ZPLD1: variants seen among roughly 807,000 people sequenced by gnomAD.
ZPLD1 encodes zona pellucida-like domain-containing protein 1.
A neutral mutation model predicts 47.2 loss-of-function variants in ZPLD1; 34 were observed. The ratio of observed to expected loss-of-function variants is 0.72; its 90% CI spans 0.55 to 0.96. The LOEUF (loss-of-function observed/expected upper bound fraction) is 0.96, where lower values mean the gene tolerates loss of function less well. ZPLD1 is among the 40% of genes least tolerant of loss of function. ZPLD1 has a pLI of 0.00. For missense variants in ZPLD1, 512 were observed against 505.8 expected, an observed-to-expected ratio of 1.01 and a Z score of -0.12; for synonymous variants, 176 against 186.2, an observed-to-expected ratio of 0.95 and a Z score of 0.45.
intron 6 of ZPLD1, among the ~76,000 whole-genome samples, chr3:102,458,344 A>G (rs1707451485): frequency 1.3e-5 from 2 of 152,208 alleles, no homozygotes; most frequent in Admixed American, 6.5e-5. Context: ...GATTGACTAC[A>G]TAGCATTATC....
Position 102,438,625 on chromosome 3 carries a change from T to A in ZPLD1, c.106+32T>A, listed in dbSNP as rs1707127840. On this transcript the variant is annotated intron_variant, in intron 3 of 11. Coordinates refer to ENST00000466937, the MANE Select transcript of ZPLD1 (RefSeq NM_001329788.2). ...GTAAGCCTAATCTATTCTCTAGTTG[T>A]TTCTGGAAGAGTGATTATATTTGAA... 2.6e-6 allele frequency: 4 copies of A among 1,520,262 alleles called. No individual in the cohort carries two copies. In the East Asian group the frequency reaches 9.0e-5, roughly 34 times the overall value. The allele number at this position is 1,520,262 out of a possible 1,614,324, so 94.2% of individuals were successfully genotyped here. A position where few individuals can be genotyped will look rare whatever the true frequency, so the allele number is the denominator to read the frequency against.
intron 3 of ZPLD1, among the ~76,000 whole-genome samples, chr3:102,447,908 C>T (rs1707282260): frequency 6.6e-6 from 1 of 152,060 alleles, no homozygotes; most frequent in Non-Finnish European, 1.5e-5. Flanking sequence ...ATATATAGAA[C>T]TGGATCCATA....
intron 7 of ZPLD1, among the ~76,000 whole-genome samples, chr3:102,402,852 C>T (rs564156995): frequency 1.4e-4 from 22 of 151,934 alleles, no homozygotes; most frequent in African/African-American, 1.4e-4. Context: ...GTCCTTATAT[C>T]GATAAAAGCT....
chr3:102,408,076 T>G (rs1289437664), intron 7 of ZPLD1, among the ~76,000 whole-genome samples: 1 of 151,852 alleles, frequency 6.6e-6, no homozygotes, highest in African/African-American at 2.4e-5. Context: ...ATCTTATTCT[T>G]TATGTAATAG....
At chr3:102,457,730 CT>C in intron 5 of ZPLD1, 50 bp from the exon 6 acceptor site, 1 of 1,555,114 alleles carries the variant, frequency 6.4e-7, no homozygotes, top group Non-Finnish European at 8.9e-7. Context: ...CTAGGTATCA[CT>C]TTTACTCTAA....
chr3:102,436,186 A>G (rs1020352365), intron 1 of ZPLD1, among the ~76,000 whole-genome samples: 1 of 152,204 alleles, frequency 6.6e-6, no homozygotes, highest in African/African-American at 2.4e-5. Context: ...TAAAGCTTTA[A>G]GGCTAAGAGT....
chr3:102,456,591 A>G (rs1017120874), intron 5 of ZPLD1, among the ~76,000 whole-genome samples: 1 of 145,118 alleles, frequency 6.9e-6, no homozygotes, highest in South Asian at 2.2e-4. Flanking sequence ...CTATCTATCT[A>G]TCTCTAATTG....
intron 8 of ZPLD1, among the ~76,000 whole-genome samples, chr3:102,422,361 T>C (rs1445691582): frequency 1.3e-5 from 2 of 152,020 alleles, no homozygotes; most frequent in African/African-American, 2.4e-5. Flanking sequence ...TCCTGGTATA[T>C]AGTGGATAGA....
chr3:102,462,123 G>T (rs1363612513), intron 6 of ZPLD1, among the ~76,000 whole-genome samples, 158 bp from the exon 7 acceptor site: 1 of 152,052 alleles, frequency 6.6e-6, no homozygotes, highest in Non-Finnish European at 1.5e-5. Context: ...TAACAGTTCT[G>T]CCAAGAAACC....
chr3:102,420,385 A>G (rs1240800348), intron 8 of ZPLD1, among the ~76,000 whole-genome samples: 2 of 151,948 alleles, frequency 1.3e-5, no homozygotes, highest in Non-Finnish European at 2.9e-5. Flanking sequence ...CTAATTGTTT[A>G]TAGCAGGGTG....
intron 8 of ZPLD1, among the ~76,000 whole-genome samples, chr3:102,420,027 C>T (rs1706858181): frequency 6.6e-6 from 1 of 151,594 alleles, no homozygotes; most frequent in African/African-American, 2.4e-5. Flanking sequence ...GACACAACAG[C>T]TTTACCAAGA....
At chr3:102,458,886 G>A (rs762750606) in intron 6 of ZPLD1, among the ~76,000 whole-genome samples, 12 of 151,884 alleles carry the variant, frequency 7.9e-5, no homozygotes, top group Non-Finnish European at 1.3e-4. Flanking sequence ...TCAGGAGATC[G>A]AGACCATCCT....
chr3:102,411,518 G>A (rs1706747379), intron 7 of ZPLD1, among the ~76,000 whole-genome samples: 1 of 151,706 alleles, frequency 6.6e-6, no homozygotes, highest in Admixed American at 6.6e-5. Context: ...TTCTTACAGA[G>A]GTAACTCTTA....
chr3:102,407,909 A>C (rs1483189130), intron 7 of ZPLD1, among the ~76,000 whole-genome samples: 4 of 151,754 alleles, frequency 2.6e-5, no homozygotes, highest in Non-Finnish European at 5.9e-5. Context: ...CTCAGGTGCC[A>C]CTCTAAATAT....
At chr3:102,447,330 C>T (rs557397140) in intron 3 of ZPLD1, among the ~76,000 whole-genome samples, 37 of 152,174 alleles carry the variant, frequency 2.4e-4, no homozygotes, top group Non-Finnish European at 4.6e-4. Flanking sequence ...TTCCTAAGTG[C>T]TGGGATTACA....
At chr3:102,448,978 G>T (rs1457054677) in intron 3 of ZPLD1, among the ~76,000 whole-genome samples, 2 of 152,200 alleles carry the variant, frequency 1.3e-5, no homozygotes, top group Non-Finnish European at 2.9e-5. Context: ...CTGAGGATTT[G>T]ATTTGACATC....
chr3:102,477,227 T>C (rs1400262194), intron 11 of ZPLD1, among the ~76,000 whole-genome samples, 186 bp downstream of exon 11: 2 of 152,148 alleles, frequency 1.3e-5, no homozygotes, highest in African/African-American at 4.8e-5. Flanking sequence ...GATAGCTTTT[T>C]GGTATTTTTG....
chr3:102,401,847 A>G (rs1381543727), intron 7 of ZPLD1, among the ~76,000 whole-genome samples: 1 of 152,090 alleles, frequency 6.6e-6, no homozygotes, highest in Non-Finnish European at 1.5e-5. Context: ...AACTGTAGCA[A>G]AGAAGAGAGA....
chr3:102,397,242 T>C (rs1576124714), intron 7 of ZPLD1, among the ~76,000 whole-genome samples: 1 of 152,228 alleles, frequency 6.6e-6, no homozygotes. Context: ...GATTACAAGA[T>C]ATGTAAGAAT....
Sources: gnomAD v4.1 joint callset for allele counts (sites outside exome capture counted in the v4.1 genomes callset) on GRCh38, gnomAD v4.1.1 for gene constraint, MANE v1.5 for transcripts, NCBI Gene and HGNC (gene_info 2026-07-23, HGNC 2026-07-21) for gene names.